The following DOCK4 variants were observed in gnomAD, a reference collection of about 807,000 sequenced individuals.
DOCK4 encodes dedicator of cytokinesis 4, also known as dedicator of cytokinesis protein 4.
Under a neutral mutation model 268.1 loss-of-function variants are expected in DOCK4, and 97 were observed. That is an observed-to-expected ratio of 0.36 (90% CI 0.31 to 0.43). The LOEUF (loss-of-function observed/expected upper bound fraction) is 0.43, where lower values mean the gene tolerates loss of function less well. Ranked by LOEUF, DOCK4 falls within the 20% of genes least tolerant of loss-of-function variation. The pLI is 1.00. For synonymous variants in DOCK4, 954 were observed against 887.2 expected (o/e 1.08, Z -1.34); for missense variants, 2,145 against 2,455.7 (o/e 0.87, Z 2.67).
chr7:112,011,762 A>G (rs1801343223), intron 1 of DOCK4, among the ~76,000 whole-genome samples: 1 of 151,588 alleles, frequency 6.6e-6, no homozygotes, highest in African/African-American at 2.4e-5. Flanking sequence ...AAAAACAAAA[A>G]AAAAACCTTT....
At chr7:111,840,410 G>A (rs1436706707) in intron 25 of DOCK4, among the ~76,000 whole-genome samples, 10 of 152,092 alleles carry the variant, frequency 6.6e-5, no homozygotes, top group Non-Finnish European at 1.5e-5. Flanking sequence ...AAATTGTAAG[G>A]AACTCTGGAG....
chr7:111,886,601 GCAAGGGAGGAAAAGT>G (rs556576317), intron 16 of DOCK4, among the ~76,000 whole-genome samples: 108 of 152,184 alleles, frequency 7.1e-4, no homozygotes, highest in South Asian at 6.6e-3. Context: ...CATCAAGCAG[GCAAGGGAGGAAAAGT>G]CAAGGGAGGG....
intron 27 of DOCK4, chr7:111,819,765 C>T (rs370917493): frequency 2.6e-5 from 4 of 152,204 alleles, no homozygotes; most frequent in Non-Finnish European, 4.4e-5. Flanking sequence ...GGTGACTTCT[C>T]AGCCACCTGC....
chr7:111,879,388 T>C (rs1013826295), intron 16 of DOCK4, among the ~76,000 whole-genome samples: 1 of 152,050 alleles, frequency 6.6e-6, no homozygotes, highest in Non-Finnish European at 1.5e-5. Context: ...ACCCAGCACA[T>C]TCCCAGCTGT....
intron 21 of DOCK4, among the ~76,000 whole-genome samples, chr7:111,868,433 G>A (rs1024090644): frequency 1.3e-5 from 2 of 152,142 alleles, no homozygotes; most frequent in African/African-American, 4.8e-5. Context: ...CACTTTAGCC[G>A]GGCACGGTGG....
chr7:112,128,985 C>T (rs1813548442), intron 1 of DOCK4, among the ~76,000 whole-genome samples: 1 of 152,220 alleles, frequency 6.6e-6, no homozygotes, highest in South Asian at 2.1e-4. Context: ...CTGCGGAAAG[C>T]AGGTTGGGTG....
chr7:111,969,534 T>G (rs927694171), intron 8 of DOCK4, among the ~76,000 whole-genome samples: 1 of 151,970 alleles, frequency 6.6e-6, no homozygotes, highest in African/African-American at 2.4e-5. Context: ...ACTAAGTGTT[T>G]CAAATTCTCT....
chr7:112,052,565 T>G (rs1379615345), intron 1 of DOCK4, among the ~76,000 whole-genome samples: 5 of 152,184 alleles, frequency 3.3e-5, no homozygotes, highest in Non-Finnish European at 7.4e-5. Flanking sequence ...CAGGCCCATG[T>G]TGGGTCAGAC....
rs150569245 is a variant in DOCK4, at chr7:111,739,142, G to C, written c.5224C>G (p.Pro1742Ala). Residue 1742 changes from proline (P) to alanine (A), a missense_variant, in exon 49 of 53, where the codon CCT becomes GCT. Around this residue, in one of 2 missense-constraint regions of DOCK4, gnomAD observed 547 missense variants for 469.0 expected, o/e 1.17. Coordinates refer to ENST00000428084, the MANE Select transcript of DOCK4 (RefSeq NM_001363540.2). Reference sequence around the variant, plus strand: ...TACCCTACAAGGAGTACCTGCGAAGGCTCCACAGGTGTTGGATAGATGGCA... The same window carrying C: ...TACCCTACAAGGAGTACCTGCGAAGCCTCCACAGGTGTTGGATAGATGGCA... Reference protein sequence around the residue: ...CSAIYPTPVEPSQRMLFNHIG... With the variant: ...CSAIYPTPVEASQRMLFNHIG... 17,135 of 1,611,302 alleles carry C rather than the reference G, an allele frequency of 0.011. 119 individuals carry two copies. Among genetic ancestry groups the C allele is most frequent in the Middle Eastern group, 0.018 (108 of 6,058 alleles).
At chr7:111,840,401 A>G (rs1181758622) in intron 25 of DOCK4, among the ~76,000 whole-genome samples, 1 of 152,150 alleles carries the variant, frequency 6.6e-6, no homozygotes, top group Non-Finnish European at 1.5e-5. Flanking sequence ...AGCATTTATA[A>G]ATTGTAAGGA....
chr7:111,954,775 AGGCGCTCAT>A (rs1796327887), intron 8 of DOCK4, among the ~76,000 whole-genome samples: 1 of 151,934 alleles, frequency 6.6e-6, no homozygotes, highest in Non-Finnish European at 1.5e-5. Context: ...GTCTGCACCC[AGGCGCTCAT>A]TAAAACAGGG....
Position 111,787,236 on chromosome 7 carries a change from A to C in DOCK4, c.3401+1426T>G, listed in dbSNP as rs537043828. Among the ~76,000 whole-genome samples the C allele has an allele frequency of 2.6e-5, 4 of 152,278 alleles. No homozygotes were observed. The South Asian group carries it at 8.3e-4, about 32-fold the overall frequency. On this transcript the variant is annotated intron_variant, in intron 32 of 52. Transcript: ENST00000428084. ...ATTAATCACAAATCTCAAGAGATTC[A>C]TTTCACTGAGTGCTTTCTCATTTTG...
chr7:111,755,718 T>C (rs1192997056), intron 41 of DOCK4, 117 bp from the exon 42 acceptor site: 4 of 873,288 alleles, frequency 4.6e-6, no homozygotes, highest in African/African-American at 3.3e-5. Flanking sequence ...AGCCTTTCTT[T>C]AGTCTTCATT....
chr7:111,888,485 T>C (rs1267331809), intron 16 of DOCK4, among the ~76,000 whole-genome samples: 3 of 152,066 alleles, frequency 2.0e-5, no homozygotes, highest in Admixed American at 2.0e-4. Context: ...TGATATGAAG[T>C]GCTTCTGGAT....
chr7:112,117,944 C>A (rs1228600617), intron 1 of DOCK4, among the ~76,000 whole-genome samples: 3 of 152,144 alleles, frequency 2.0e-5, no homozygotes. Context: ...TCTCTCCACT[C>A]AACTCTTTAA....
chr7:111,822,579 C>T (rs1802076572), intron 26 of DOCK4, 123 bp from the exon 27 acceptor site: 1 of 837,848 alleles, frequency 1.2e-6, no homozygotes, highest in African/African-American at 1.7e-5. Flanking sequence ...AGAAGGGAGC[C>T]ATAGTTTAAC....
rs116464185 is a variant in DOCK4 at position 112,011,153 on chromosome 7, T to G, written c.38-7022A>C. Among the ~76,000 whole-genome samples the G allele has an allele frequency of 1.9e-3, 283 of 152,356 alleles. 2 individuals are homozygous for G. The highest frequency in any genetic ancestry group is 6.7e-3 in the African/African-American group (277 of 41,586). ...TGGGCCTTGGCACTACAACTTGGTA[T>G]AACTCTGCAGGGCCATTCCCACTTA... On this transcript the variant is annotated intron_variant, in intron 1 of 52. Coordinates refer to ENST00000428084, the MANE Select transcript of DOCK4 (RefSeq NM_001363540.2).
intron 1 of DOCK4, among the ~76,000 whole-genome samples, chr7:112,061,146 G>T (rs1242111237): frequency 2.0e-5 from 3 of 152,088 alleles, no homozygotes; most frequent in African/African-American, 7.2e-5. Flanking sequence ...CATCTATGGA[G>T]ATCTTTCCCA....
At position 111,923,090 on chromosome 7, in the gene DOCK4, C is replaced by T. The variant is rs573779997; in HGVS notation, c.1067-7186G>A. On this transcript the variant is annotated intron_variant, in intron 12 of 52. Coordinates refer to ENST00000428084, the MANE Select transcript of DOCK4 (RefSeq NM_001363540.2). ...AAATAAAATCCATAAAAAATAACAA[C>T]ACAACAACAGTAACCACAAAAAACA... is the stretch of plus-strand genomic sequence containing the variant. Among the ~76,000 whole-genome samples the T allele has an allele frequency of 3.3e-5, 5 of 152,176 alleles. No individual in the cohort carries two copies. In the East Asian group the frequency reaches 7.7e-4, roughly 23 times the overall value.
Sources: allele counts gnomAD v4.1 joint callset (sites outside exome capture counted in the v4.1 genomes callset), GRCh38; gene constraint gnomAD v4.1.1; regional missense constraint gnomAD v4.1.1; transcripts MANE v1.5; gene names NCBI Gene and HGNC (gene_info 2026-07-23, HGNC 2026-07-21).